SPATS2: variants seen among roughly 807,000 people sequenced by gnomAD.
SPATS2 encodes spermatogenesis associated serine rich 2, also known as spermatogenesis-associated serine-rich protein 2.
Under a neutral mutation model 63.7 loss-of-function variants are expected in SPATS2, and 38 were observed. That is an observed-to-expected ratio of 0.60 (90% CI 0.46 to 0.78). The LOEUF (loss-of-function observed/expected upper bound fraction) is 0.78, where lower values mean the gene tolerates loss of function less well. SPATS2 is among the 30% of genes least tolerant of loss of function. The pLI is 0.00. For missense variants in SPATS2, 588 were observed against 666.2 expected, an observed-to-expected ratio of 0.88 and a Z score of 1.29; for synonymous variants, 207 against 232.9, an observed-to-expected ratio of 0.89 and a Z score of 1.01.
At chr12:49,472,054 C>T (rs1302841147) in intron 3 of SPATS2, among the ~76,000 whole-genome samples, 1 of 152,070 alleles carries the variant, frequency 6.6e-6, no homozygotes, top group Non-Finnish European at 1.5e-5. Context: ...GGGAGGATCA[C>T]ATAAGCCCAG....
chr12:49,390,785 A>G (rs1257669540), intron 2 of SPATS2, among the ~76,000 whole-genome samples: 1 of 152,224 alleles, frequency 6.6e-6, no homozygotes, highest in African/African-American at 2.4e-5. Context: ...TTGTTTAAGT[A>G]TAAGAAATAC....
intron 2 of SPATS2, among the ~76,000 whole-genome samples, chr12:49,377,035 T>C (rs1380338599): frequency 6.6e-6 from 1 of 152,200 alleles, no homozygotes; most frequent in Non-Finnish European, 1.5e-5. Context: ...GTTAATCTTA[T>C]CAGCACACAG....
At chr12:49,502,564 C>T (rs773749396) in intron 9 of SPATS2, among the ~76,000 whole-genome samples, 8 of 152,066 alleles carry the variant, frequency 5.3e-5, no homozygotes, top group Non-Finnish European at 1.0e-4. Context: ...CATCCTCCCA[C>T]CCTCAGCCTC....
At chr12:49,523,909 G>A (rs2138098813) in intron 12 of SPATS2, among the ~76,000 whole-genome samples, 1 of 151,956 alleles carries the variant, frequency 6.6e-6, no homozygotes, top group South Asian at 2.1e-4. Flanking sequence ...CTGAGATTGT[G>A]CCACTGCACT....
chr12:49,407,331 T>C (rs1944714264), intron 2 of SPATS2, among the ~76,000 whole-genome samples: 1 of 152,198 alleles, frequency 6.6e-6, no homozygotes, highest in Admixed American at 6.5e-5. Context: ...GTCACTCCTT[T>C]GCTCAAGATC....
chr12:49,420,195 T>C (rs1459497236), intron 2 of SPATS2, among the ~76,000 whole-genome samples: 1 of 152,252 alleles, frequency 6.6e-6, no homozygotes, highest in Non-Finnish European at 1.5e-5. Context: ...CCCTTGAGCT[T>C]TGAGCTTTTG....
intron 6 of SPATS2, among the ~76,000 whole-genome samples, chr12:49,493,884 T>A (rs1946423784): frequency 6.6e-6 from 1 of 152,258 alleles, no homozygotes; most frequent in South Asian, 2.1e-4. Flanking sequence ...TTGGAGCTTA[T>A]TCCATGTCTC....
intron 2 of SPATS2, among the ~76,000 whole-genome samples, chr12:49,457,438 C>CTT (rs529474329): frequency 2.5e-4 from 37 of 146,000 alleles, no homozygotes; most frequent in African/African-American, 7.2e-4. Flanking sequence ...CTTTCATCCT[C>CTT]TTTTTTTTTT....
At chr12:49,445,201 T>G (rs1039865613) in intron 2 of SPATS2, among the ~76,000 whole-genome samples, 1 of 152,140 alleles carries the variant, frequency 6.6e-6, no homozygotes, top group Admixed American at 6.5e-5. Context: ...GAAGAAAATA[T>G]TTTGTGTTTT....
Position 49,426,779 on chromosome 12 carries a change from G to T in SPATS2, c.-243-33991G>T, listed in dbSNP as rs976899641. On this transcript the variant is annotated intron_variant, in intron 2 of 13. Transcript: ENST00000552918. Reference sequence around the variant, plus strand: ...AGGATGGTCTCGATCTCCTGACCTCGTGATCCTCCCGCCTCGGCCTCCCAA... The same window carrying T: ...AGGATGGTCTCGATCTCCTGACCTCTTGATCCTCCCGCCTCGGCCTCCCAA... Among the ~76,000 whole-genome samples, 3 of 152,274 alleles carry T rather than the reference G, an allele frequency of 2.0e-5. No individual in the cohort carries two copies. The East Asian group carries it at 5.8e-4, about 29-fold the overall frequency.
intron 2 of SPATS2, among the ~76,000 whole-genome samples, chr12:49,449,712 G>T (rs1945583981): frequency 6.6e-6 from 1 of 152,152 alleles, no homozygotes; most frequent in Non-Finnish European, 1.5e-5. Flanking sequence ...TTGTGCAGGG[G>T]AACTCCCATT....
At position 49,403,642 on chromosome 12, in the gene SPATS2, A is replaced by ACACACACACACAC. The variant is rs1555180281; in HGVS notation, c.-244+32352_-244+32353insCACACACACACAC. Among the ~76,000 whole-genome samples, 15 of 117,988 alleles carry ACACACACACACAC rather than the reference A, an allele frequency of 1.3e-4. 1 individual carries two copies. Among genetic ancestry groups the ACACACACACACAC allele is most frequent in the African/African-American group, 4.7e-4 (15 of 31,868 alleles). The allele number at this position is 117,988 out of a possible 152,430, so 77.4% of individuals were successfully genotyped here. ...ACACACACACACACACACACACACAAACAAAACTGGAATTCTCTGTTATGG... is the reference window on the plus strand; with the variant it reads ...ACACACACACACACACACACACACAACACACACACACACACAAAACTGGAATTCTCTGTTATGG... On this transcript the variant is annotated intron_variant, in intron 2 of 13. Coordinates refer to ENST00000552918, the MANE Select transcript of SPATS2 (RefSeq NM_023071.4).
Position 49,526,350 on chromosome 12 carries a change from A to T in SPATS2, c.*95A>T. ...ACAGTTAGATGTAATAACAAAAAGAAGTTTATGCGTATCACTTTTTGTGCC... is the reference window on the plus strand; with the variant it reads ...ACAGTTAGATGTAATAACAAAAAGATGTTTATGCGTATCACTTTTTGTGCC... On this transcript the variant is annotated 3_prime_UTR_variant, in exon 14 of 14. Coordinates refer to ENST00000552918, the MANE Select transcript of SPATS2 (RefSeq NM_023071.4). The T allele has an allele frequency of 7.3e-7, 1 of 1,373,234 alleles. No individual in the cohort carries two copies. The highest frequency in any genetic ancestry group is 2.8e-5 in the Admixed American group (1 of 35,528). 85.1% of individuals were successfully genotyped at this position (1,373,234 alleles called of 1,614,324 possible).
intron 2 of SPATS2, among the ~76,000 whole-genome samples, chr12:49,385,289 AAAAC>A (rs1386747231): frequency 4.0e-5 from 6 of 151,456 alleles, no homozygotes; most frequent in African/African-American, 1.5e-4. Flanking sequence ...TCAAAAAAAA[AAAAC>A]AAAAACCATG....
intron 1 of SPATS2, among the ~76,000 whole-genome samples, chr12:49,369,228 C>T (rs1943957838): frequency 6.6e-6 from 1 of 151,986 alleles, no homozygotes; most frequent in South Asian, 2.1e-4. Flanking sequence ...GGGGTTTCAC[C>T]ATCTTGGCCA....
intron 2 of SPATS2, among the ~76,000 whole-genome samples, chr12:49,443,456 G>T (rs764556718): frequency 7.3e-5 from 11 of 151,454 alleles, no homozygotes; most frequent in Non-Finnish European, 1.3e-4. Flanking sequence ...TCTTATTGCT[G>T]ATACCATAAG....
intron 3 of SPATS2, among the ~76,000 whole-genome samples, chr12:49,479,436 TC>T (rs2137804407): frequency 6.6e-6 from 1 of 152,318 alleles, no homozygotes; most frequent in East Asian, 1.9e-4. Context: ...AGCAGGCACT[TC>T]CTAGCCTGTG....
Position 49,526,955 on chromosome 12 carries a change from G to A in SPATS2, c.*700G>A, listed in dbSNP as rs560215369. On this transcript the variant is annotated 3_prime_UTR_variant, in exon 14 of 14. Transcript: ENST00000552918. Reference sequence around the variant, plus strand: ...AAGTTTAAAAAAAAAAAGGTTGGGCGTTGTGGCTCATGCCTGTAATCCCAG... The same window carrying A: ...AAGTTTAAAAAAAAAAAGGTTGGGCATTGTGGCTCATGCCTGTAATCCCAG... 7 of 152,020 alleles carry A rather than the reference G, an allele frequency of 4.6e-5. No individual in the cohort carries two copies. Among genetic ancestry groups the A allele is most frequent in the African/African-American group, 1.4e-4 (6 of 41,464 alleles). 9.4% of individuals were successfully genotyped at this position (152,020 alleles called of 1,614,324 possible).
chr12:49,407,069 G>T (rs999075568), intron 2 of SPATS2, among the ~76,000 whole-genome samples: 1 of 152,060 alleles, frequency 6.6e-6, no homozygotes, highest in Non-Finnish European at 1.5e-5. Context: ...ATTTACTTGG[G>T]ACAAAAACCT....
Sources: allele counts gnomAD v4.1 joint callset (sites outside exome capture counted in the v4.1 genomes callset), GRCh38; gene constraint gnomAD v4.1.1; transcripts MANE v1.5; gene names NCBI Gene and HGNC (gene_info 2026-07-23, HGNC 2026-07-21).